FUT8: variants seen among roughly 807,000 people sequenced by gnomAD.
FUT8 encodes fucosyltransferase 8, also known as alpha-(1,6)-fucosyltransferase.
FUT8 carries 29 observed loss-of-function variants against 71.3 expected under a neutral mutation model. That is an observed-to-expected ratio of 0.41 (90% CI 0.30 to 0.55). FUT8 has a LOEUF of 0.55. Among genes scored for constraint, FUT8 ranks in the 20% least tolerant of loss-of-function variants. The pLI is 0.34. For missense variants in FUT8, 544 were observed against 702.1 expected (o/e 0.77, Z 2.55); for synonymous variants, 254 against 239.3 (o/e 1.06, Z -0.57).
intron 2 of FUT8, among the ~76,000 whole-genome samples, chr14:65,549,187 A>G (rs1180637891): frequency 6.6e-6 from 1 of 152,194 alleles, no homozygotes; most frequent in East Asian, 1.9e-4. Flanking sequence ...TTGTAAACAT[A>G]CATTTTTCAT....
intron 5 of FUT8, among the ~76,000 whole-genome samples, chr14:65,625,234 G>A (rs185059542): frequency 5.3e-4 from 80 of 152,182 alleles, no homozygotes; most frequent in African/African-American, 1.8e-3. Context: ...ATGGGAAAGA[G>A]GCTTATGAAA....
At chr14:65,630,355 C>T (rs927491807) in intron 6 of FUT8, among the ~76,000 whole-genome samples, 6 of 151,990 alleles carry the variant, frequency 3.9e-5, no homozygotes, top group Non-Finnish European at 7.4e-5. Context: ...TTTTCTAGTT[C>T]TTATTAATAT....
the FUT8 span, among the ~76,000 whole-genome samples, chr14:65,359,426 T>A: frequency 6.6e-6 from 1 of 152,344 alleles, no homozygotes; most frequent in Non-Finnish European, 1.5e-5. Context: ...TGTGCAACCA[T>A]CACCACCATA....
intron 2 of FUT8, among the ~76,000 whole-genome samples, chr14:65,537,214 C>G (rs995275342): frequency 2.0e-5 from 3 of 151,754 alleles, no homozygotes; most frequent in Admixed American, 6.6e-5. Flanking sequence ...AATCTTGATG[C>G]TCTTTTTTCT....
chr14:65,523,314 C>T (rs1343145962), intron 2 of FUT8, among the ~76,000 whole-genome samples: 1 of 152,222 alleles, frequency 6.6e-6, no homozygotes, highest in Non-Finnish European at 1.5e-5. Flanking sequence ...TTGCATTTCT[C>T]TGATGGCCAG....
In FUT8 at chr14:65,736,659, A is replaced by G. The variant is rs941662328; in HGVS notation, c.1410+3278A>G. On this transcript the variant is annotated intron_variant, in intron 10 of 10. Transcript: ENST00000673929. ...GTGTGTGTTGACTTTAGTGAAATTA[A>G]TCTTCAGACTTTCCTATATATGTCA... Among the ~76,000 whole-genome samples the G allele has an allele frequency of 4.6e-5, 7 of 152,068 alleles. 1 individual carries two copies. Among genetic ancestry groups the G allele is most frequent in the Non-Finnish European group, 8.8e-5 (6 of 67,984 alleles).
intron 2 of FUT8, among the ~76,000 whole-genome samples, chr14:65,504,908 C>T (rs192046437): frequency 1.4e-3 from 207 of 152,148 alleles, no homozygotes; most frequent in African/African-American, 4.7e-3. Flanking sequence ...TGCCATTGCA[C>T]GCCGGGCTGG....
intron 6 of FUT8, among the ~76,000 whole-genome samples, chr14:65,665,332 A>T (rs984185195): frequency 1.3e-5 from 2 of 152,210 alleles, no homozygotes; most frequent in African/African-American, 4.8e-5. Flanking sequence ...ATGCTGCTGG[A>T]ATAAATGAAC....
the FUT8 span, among the ~76,000 whole-genome samples, chr14:65,388,757 A>G: frequency 0.13 from 20,407 of 152,052 alleles, 2,036 homozygotes; most frequent in East Asian, 0.54. Context: ...GTGAGATTCC[A>G]TCTCCAAAAA....
chr14:65,592,410 G>T (rs1358227803), intron 3 of FUT8, among the ~76,000 whole-genome samples: 1 of 151,910 alleles, frequency 6.6e-6, no homozygotes. Flanking sequence ...TACCTAAGTG[G>T]TGAGGTCTGC....
rs560848036 is a variant in FUT8, at chr14:65,654,189, C to A, written c.598-15054C>A. Among the ~76,000 whole-genome samples the A allele has an allele frequency of 1.1e-4, 16 of 152,138 alleles. 1 individual carries two copies. The East Asian group carries it at 3.1e-3, about 29-fold the overall frequency. On this transcript the variant is annotated intron_variant, in intron 6 of 10. Coordinates refer to ENST00000673929, the MANE Select transcript of FUT8 (RefSeq NM_001371533.1). ...CATAAAAGTGGGGAGAGTAAAGGAA[C>A]CTAAAAAGTAGGAAGGTTTCTGCAT...
chr14:65,512,864 C>T (rs760537584), intron 2 of FUT8, among the ~76,000 whole-genome samples: 4 of 148,420 alleles, frequency 2.7e-5, no homozygotes, highest in South Asian at 2.1e-4. Flanking sequence ...GCCGACATCA[C>T]GCCACTGCAC....
chr14:65,433,440 A>T (rs1042221794), intron 1 of FUT8, among the ~76,000 whole-genome samples: 2 of 152,146 alleles, frequency 1.3e-5, no homozygotes, highest in African/African-American at 4.8e-5. Context: ...AACTTGTGAG[A>T]CTTCTTCTTT....
chr14:65,476,111 G>A (rs1295231740), intron 2 of FUT8, among the ~76,000 whole-genome samples: 4 of 151,956 alleles, frequency 2.6e-5, no homozygotes, highest in African/African-American at 9.7e-5. Flanking sequence ...AGATAAGAGA[G>A]CACCTACACT....
intron 2 of FUT8, among the ~76,000 whole-genome samples, chr14:65,512,019 C>A (rs140004669): frequency 6.6e-6 from 1 of 152,244 alleles, no homozygotes; most frequent in East Asian, 1.9e-4. Flanking sequence ...GCCTACTACC[C>A]ACCTGGGGTA....
At chr14:65,731,913 G>A (rs1896000125) in intron 9 of FUT8, among the ~76,000 whole-genome samples, 1 of 152,174 alleles carries the variant, frequency 6.6e-6, no homozygotes, top group African/African-American at 2.4e-5. Context: ...TCCAAATCAT[G>A]CTGACAAAGT....
At chr14:65,737,320 G>A (rs191834984) in intron 10 of FUT8, among the ~76,000 whole-genome samples, 11 of 152,184 alleles carry the variant, frequency 7.2e-5, no homozygotes, top group African/African-American at 2.4e-4. Context: ...AAATTGAATA[G>A]CACAGTCCTC....
chr14:65,702,889 G>C (rs1022286386), intron 7 of FUT8, among the ~76,000 whole-genome samples: 1 of 152,110 alleles, frequency 6.6e-6, no homozygotes, highest in Non-Finnish European at 1.5e-5. Flanking sequence ...TGGGACTACA[G>C]GTGCATGCCA....
At chr14:65,434,485 A>G (rs2065525455) in intron 1 of FUT8, among the ~76,000 whole-genome samples, 1 of 152,242 alleles carries the variant, frequency 6.6e-6, no homozygotes, top group Non-Finnish European at 1.5e-5. Flanking sequence ...CCCAGAGGAT[A>G]GATGTTGTTA....
Sources: gnomAD v4.1 joint callset for allele counts (sites outside exome capture counted in the v4.1 genomes callset) on GRCh38, gnomAD v4.1.1 for gene constraint, MANE v1.5 for transcripts, NCBI Gene and HGNC (gene_info 2026-07-23, HGNC 2026-07-21) for gene names.